The following RBFOX1 variants were observed in gnomAD, a reference collection of about 807,000 sequenced individuals.
RBFOX1 encodes RNA binding fox-1 homolog 1, also known as RNA binding protein fox-1 homolog 1.
A neutral mutation model predicts 57.7 loss-of-function variants in RBFOX1; 8 were observed. The observed-to-expected ratio is 0.14, with a 90% CI of 0.08 to 0.25. The LOEUF (loss-of-function observed/expected upper bound fraction) is 0.25. Ranked by LOEUF, RBFOX1 falls within the 10% of genes least tolerant of loss-of-function variation. The pLI is 1.00. For synonymous variants in RBFOX1, 326 were observed against 222.4 expected, an observed-to-expected ratio of 1.47 and a Z score of -4.15; for missense variants, 611 against 548.5, an observed-to-expected ratio of 1.11 and a Z score of -1.14.
rs371172502 is a variant in RBFOX1, at chr16:6,945,365, C to A, written c.-15-106692C>A. Among the ~76,000 whole-genome samples the A allele has an allele frequency of 2.1e-3, 316 of 152,216 alleles. 1 individual carries two copies. Among genetic ancestry groups the A allele is most frequent in the Non-Finnish European group, 3.8e-3 (257 of 68,026 alleles). On this transcript the variant is annotated intron_variant, in intron 3 of 15. Transcript: ENST00000550418. ...AGTTAATGTTATCAGTCAAACATGG[C>A]CCATTGCTGGTCTGAACAACCTGTG...
chr16:5,956,678 A>ATTTATATATATATATATATATATTTTTT (rs1555456300), intron 4 of RBFOX1, among the ~76,000 whole-genome samples: 2 of 116,506 alleles, frequency 1.7e-5, no homozygotes, highest in African/African-American at 3.5e-5. Flanking sequence ...ATATATATAT[A>ATTTATATATATATATATATATATTTTTT]TTTTTTTTGA....
chr16:7,414,780 G>A (rs1355814903), intron 4 of RBFOX1, among the ~76,000 whole-genome samples: 1 of 152,120 alleles, frequency 6.6e-6, no homozygotes, highest in African/African-American at 2.4e-5. Context: ...ACCATGACTG[G>A]CCAATTTTTG....
chr16:5,417,846 C>T (rs573127377), intron 1 of RBFOX1, among the ~76,000 whole-genome samples: 4 of 152,154 alleles, frequency 2.6e-5, no homozygotes, highest in Admixed American at 6.5e-5. Context: ...TTTGAGAGGC[C>T]GAGGTGGGTG....
At chr16:7,103,386 C>G (rs548516287) in intron 4 of RBFOX1, among the ~76,000 whole-genome samples, 2 of 152,170 alleles carry the variant, frequency 1.3e-5, no homozygotes, top group Non-Finnish European at 2.9e-5. Context: ...GCAAATGAAG[C>G]TGGCCTGGCC....
intron 2 of RBFOX1, among the ~76,000 whole-genome samples, chr16:5,544,393 CAT>C: frequency 6.6e-6 from 1 of 152,192 alleles, no homozygotes; most frequent in Non-Finnish European, 1.5e-5. Flanking sequence ...GAAAACACAA[CAT>C]ATCAAAATTT....
At chr16:6,134,152 G>C (rs2096649476) in intron 1 of RBFOX1, among the ~76,000 whole-genome samples, 2 of 151,954 alleles carry the variant, frequency 1.3e-5, no homozygotes, top group African/African-American at 2.4e-5. Flanking sequence ...GGCCAGGCTG[G>C]TCTCGAACTC....
chr16:5,871,670 C>A (rs538371978), intron 4 of RBFOX1, among the ~76,000 whole-genome samples: 1 of 152,112 alleles, frequency 6.6e-6, no homozygotes, highest in East Asian at 1.9e-4. Flanking sequence ...TGAGACCCAG[C>A]CCCACGTTGT....
In RBFOX1 at chr16:7,711,200, G is replaced by A. The variant is rs979592554; in HGVS notation, c.*455G>A. The A allele has an allele frequency of 2.7e-5, 4 of 150,332 alleles. No homozygotes were observed. Among genetic ancestry groups the A allele is most frequent in the African/African-American group, 9.8e-5 (4 of 40,936 alleles). 9.3% of individuals were successfully genotyped at this position (150,332 alleles called of 1,614,324 possible). On this transcript the variant is annotated 3_prime_UTR_variant, in exon 16 of 16. Transcript: ENST00000550418. ...AAAGGGGAGGTTGGGAGGGGCTTAG[G>A]GGATTGGAACTGGGGTTTGGCTGAA... is the stretch of plus-strand genomic sequence containing the variant.
At chr16:5,527,263 T>G (rs2044283995) in intron 2 of RBFOX1, among the ~76,000 whole-genome samples, 1 of 152,184 alleles carries the variant, frequency 6.6e-6, no homozygotes, top group Non-Finnish European at 1.5e-5. Flanking sequence ...ATCATGTCCT[T>G]TTTACCAACA....
At chr16:7,389,305 T>G (rs904490237) in intron 4 of RBFOX1, among the ~76,000 whole-genome samples, 4 of 152,104 alleles carry the variant, frequency 2.6e-5, no homozygotes, top group African/African-American at 9.7e-5. Context: ...TTAGTATTTT[T>G]GGTAGAGACG....
intron 3 of RBFOX1, among the ~76,000 whole-genome samples, chr16:6,703,254 A>G (rs1047567912): frequency 6.6e-6 from 1 of 152,002 alleles, no homozygotes; most frequent in East Asian, 1.9e-4. Flanking sequence ...ATTTATTATT[A>G]TTACAGAGCT....
chr16:7,510,130 AG>A, intron 4 of RBFOX1: 1 of 985,790 alleles, frequency 1.0e-6, no homozygotes, highest in Non-Finnish European at 1.2e-6. Flanking sequence ...TCAGATGTTG[AG>A]GGGGAGGTCA....
chr16:5,403,690 C>A lies in RBFOX1; in HGVS notation c.220-63526C>A, dbSNP rs2066783329. Among the ~76,000 whole-genome samples, 3 of 152,146 alleles carry A rather than the reference C, an allele frequency of 2.0e-5. No individual in the cohort carries two copies. The South Asian group carries it at 6.2e-4, about 32-fold the overall frequency. On this transcript the variant is annotated intron_variant, in intron 1 of 2. Transcript: ENST00000585867. ...CGAGTTCCTGACTTCAGTTGATCTGCCCGCCTCAGCCTCCCGAAGTGCTGG... is the reference window on the plus strand; with the variant it reads ...CGAGTTCCTGACTTCAGTTGATCTGACCGCCTCAGCCTCCCGAAGTGCTGG...
intron 3 of RBFOX1, among the ~76,000 whole-genome samples, chr16:6,698,479 T>C (rs1163757616): frequency 1.3e-5 from 2 of 152,194 alleles, no homozygotes; most frequent in East Asian, 3.9e-4. Flanking sequence ...TCATTATCTC[T>C]TCCTGGGCTG....
intron 4 of RBFOX1, among the ~76,000 whole-genome samples, chr16:7,415,350 G>A (rs1407872254): frequency 6.6e-6 from 1 of 152,090 alleles, no homozygotes; most frequent in African/African-American, 2.4e-5. Context: ...TGGAGTTCTG[G>A]TATCAAAATA....
intron 3 of RBFOX1, among the ~76,000 whole-genome samples, chr16:6,856,750 C>T (rs1412308760): frequency 2.0e-5 from 3 of 152,012 alleles, no homozygotes; most frequent in Non-Finnish European, 4.4e-5. Context: ...AATGATGATC[C>T]ATTTGTCAAA....
At chr16:6,687,875 G>A (rs555311928) in intron 3 of RBFOX1, among the ~76,000 whole-genome samples, 1 of 152,242 alleles carries the variant, frequency 6.6e-6, no homozygotes, top group African/African-American at 2.4e-5. Context: ...AGCACAAAAT[G>A]AATGATGACA....
rs1187101584 is a variant in RBFOX1, at chr16:7,304,393, C to T, written c.28-213754C>T. 3.0e-6 allele frequency: 3 copies of T among 985,424 alleles called. 1 individual carries two copies. Among genetic ancestry groups the T allele is most frequent in the Non-Finnish European group, 3.6e-6 (3 of 829,940 alleles). 61.0% of individuals were successfully genotyped at this position (985,424 alleles called of 1,614,324 possible). On this transcript the variant is annotated intron_variant, in intron 4 of 15. Transcript: ENST00000550418. ...CGGGCGCCAGAGAGACATGATGCAG[C>T]ATCCTCTGACGGGGGCCACCTGCGT...
chr16:6,051,479 C>A (rs2095551428), intron 1 of RBFOX1, among the ~76,000 whole-genome samples: 2 of 152,156 alleles, frequency 1.3e-5, no homozygotes, highest in Non-Finnish European at 2.9e-5. Context: ...AGGTGCCTTC[C>A]ACCACACCCA....
Sources: gnomAD v4.1 joint callset for allele counts (sites outside exome capture counted in the v4.1 genomes callset) on GRCh38, gnomAD v4.1.1 for gene constraint, MANE v1.5 for transcripts, NCBI Gene and HGNC (gene_info 2026-07-23, HGNC 2026-07-21) for gene names.